The following OGT variants were observed in gnomAD, a reference collection of about 807,000 sequenced individuals.
OGT encodes UDP-N-acetylglucosamine--peptide N-acetylglucosaminyltransferase 110 kDa subunit.
Under a neutral mutation model 75.8 loss-of-function variants are expected in OGT, and 3 were observed. That is an observed-to-expected ratio of 0.04 (90% CI 0.02 to 0.10). OGT has a LOEUF of 0.10. OGT is among the 10% of genes least tolerant of loss of function. The pLI, the probability that OGT is intolerant of heterozygous loss-of-function variation, is 1.00. For missense variants in OGT, 260 were observed against 824.4 expected (o/e 0.32, Z 8.38); for synonymous variants, 257 against 289.7 (o/e 0.89, Z 1.15).
rs374862900 is a variant in OGT, at chrX:71,533,288, G to A, written c.-12G>A. On this transcript the variant is annotated 5_prime_UTR_variant, in exon 1 of 22. Coordinates refer to ENST00000373719, the MANE Select transcript of OGT (RefSeq NM_181672.3). ...AATTACCTCTTTTTTGCTCTCCCTC[G>A]AGAAGCTCCAGATGGCGTCTTCCGT... is the stretch of plus-strand genomic sequence containing the variant. 31 of 1,195,831 alleles carry A rather than the reference G, an allele frequency of 2.6e-5. No individual in the cohort carries two copies. The highest frequency in any genetic ancestry group is 3.3e-5 in the Non-Finnish European group (29 of 887,958).
chrX:71,547,286 C>T, intron 4 of OGT: 2 of 748,381 alleles, frequency 2.7e-6, no homozygotes, highest in Non-Finnish European at 3.2e-6. Context: ...TGTTGAAGAG[C>T]AGCATTTCCC....
At chrX:71,536,528 CTCCT>C (rs768064264) in intron 2 of OGT, 170 bp downstream of exon 2, 12 of 369,391 alleles carry the variant, frequency 3.2e-5, no homozygotes, top group Non-Finnish European at 5.4e-5. Flanking sequence ...GCCAGTTTTT[CTCCT>C]TCCTTTTGTG....
intron 8 of OGT, chrX:71,556,430 G>A: frequency 2.8e-6 from 1 of 361,543 alleles, no homozygotes; most frequent in Non-Finnish European, 4.8e-6. Flanking sequence ...GTTTAGCAGA[G>A]AGAGATTTCA....
chrX:71,545,296 C>G (rs2040251649), intron 4 of OGT: 1 of 111,243 alleles, frequency 9.0e-6, no homozygotes, highest in Admixed American at 9.6e-5. Context: ...CACCCCAACC[C>G]CTTAAAAAAA....
At chrX:71,541,677 A>T (rs1434935039) in intron 3 of OGT, among the ~76,000 whole-genome samples, 2 of 111,333 alleles carry the variant, frequency 1.8e-5, no homozygotes, top group African/African-American at 6.5e-5. Context: ...GTAGTAGAGG[A>T]GAGTCAATTG....
Position 71,559,408 on chromosome X carries a change from A to G in OGT, c.1744A>G (p.Asn582Asp). ...HLMQSIPGMHNPDKFEVFCYA... is the reference protein window; with the variant it reads ...HLMQSIPGMHDPDKFEVFCYA... ...TATGCAGTCTATTCCAGGCATGCAC[A>G]ATCCTGATAAATTTGAGGTAAGACT... The change falls in exon 13 of 22, where the codon AAT becomes GAT. Residue 582 changes from asparagine to aspartate, a missense_variant. Physicochemically the swap from Asn to Asp is conservative, Grantham distance 23. Transcript: ENST00000373719. 8.3e-7 allele frequency: 1 copy of G among 1,206,216 alleles called. No homozygotes were observed. Among genetic ancestry groups the G allele is most frequent in the Non-Finnish European group, 1.1e-6 (1 of 893,130 alleles).
chrX:71,556,330 C>A, intron 8 of OGT: 1 of 394,605 alleles, frequency 2.5e-6, no homozygotes, highest in Non-Finnish European at 4.3e-6. Flanking sequence ...AAAAATTAAA[C>A]ATTAACCCAC....
chrX:71,567,959 C>T, intron 20 of OGT, 34 bp from the exon 21 acceptor site: 1 of 1,193,560 alleles, frequency 8.4e-7, no homozygotes, highest in Non-Finnish European at 1.1e-6. Context: ...GTTTTACGTT[C>T]TCAGATGTGC....
intron 4 of OGT, 99 bp from the exon 5 acceptor site, chrX:71,547,808 T>TA: frequency 9.4e-7 from 1 of 1,068,199 alleles, no homozygotes; most frequent in Non-Finnish European, 1.2e-6. Context: ...ATCACCTTCT[T>TA]CCCCCCCTCC....
chrX:71,554,749 A>ATG (rs1569427620), intron 6 of OGT, among the ~76,000 whole-genome samples, 157 bp downstream of exon 6: 1 of 112,074 alleles, frequency 8.9e-6, no homozygotes, highest in Non-Finnish European at 1.9e-5. Context: ...TTATTTATAG[A>ATG]TGTTGTTCGT....
chrX:71,563,086 A>G (rs1569429584), intron 16 of OGT, 44 bp from the exon 17 acceptor site: 6 of 1,197,332 alleles, frequency 5.0e-6, no homozygotes, highest in Middle Eastern at 2.3e-4. Flanking sequence ...GCTATTGTCT[A>G]TGTAAATCCT....
chrX:71,549,295 C>CAAAA (rs35779562), intron 5 of OGT, among the ~76,000 whole-genome samples: 4 of 21,834 alleles, frequency 1.8e-4, no homozygotes, highest in Admixed American at 8.3e-4. Flanking sequence ...GGCCCTGTCT[C>CAAAA]AAAAAAAAAA....
At position 71,567,859 on chromosome X, in the gene OGT, A is replaced by G. The variant is rs774532635; in HGVS notation, c.2842+107A>G. On this transcript the variant is annotated intron_variant, in intron 20 of 21. Transcript: ENST00000373719. ...TATGTACTAGGAGCAACATTAAAGG[A>G]AAGGTGATAGAAAGTGAGACTTGTT... 423 of 1,078,268 alleles carry G rather than the reference A, an allele frequency of 3.9e-4. 1 individual carries two copies. The highest frequency in any genetic ancestry group is 5.0e-4 in the Non-Finnish European group (402 of 802,705). 88.9% of individuals were successfully genotyped at this position (1,078,268 alleles called of 1,213,427 possible).
intron 5 of OGT, among the ~76,000 whole-genome samples, chrX:71,548,979 C>T (rs996501487): frequency 2.7e-5 from 3 of 110,787 alleles, no homozygotes; most frequent in Admixed American, 1.9e-4. Context: ...TTTACCTAAA[C>T]GTAGGCTAAT....
intron 5 of OGT, among the ~76,000 whole-genome samples, chrX:71,548,487 A>G (rs769999382): frequency 8.9e-6 from 1 of 111,837 alleles, no homozygotes; most frequent in East Asian, 2.8e-4. Context: ...GCGTATGTTC[A>G]TCACTTCACA....
At chrX:71,552,282 C>T (rs781735833) in intron 5 of OGT, among the ~76,000 whole-genome samples, 2 of 111,070 alleles carry the variant, frequency 1.8e-5, no homozygotes, top group Non-Finnish European at 3.8e-5. Flanking sequence ...AATAAACACA[C>T]AAACTTTTAA....
chrX:71,533,433 C>A, intron 1 of OGT, 97 bp downstream of exon 1: 1 of 784,535 alleles, frequency 1.3e-6, no homozygotes, highest in South Asian at 2.3e-5. Context: ...CTCGAACCAT[C>A]CCCATTACAT....
At chrX:71,565,167 T>A (rs1024884724) in intron 19 of OGT, among the ~76,000 whole-genome samples, 5 of 112,017 alleles carry the variant, frequency 4.5e-5, no homozygotes, top group Non-Finnish European at 7.5e-5. Context: ...CTCAAAAAAA[T>A]TTTTTTTAAA....
At chrX:71,570,957 CTT>C (rs1237109889) in intron 21 of OGT, among the ~76,000 whole-genome samples, 3 of 97,749 alleles carry the variant, frequency 3.1e-5, no homozygotes, top group Non-Finnish European at 4.2e-5. Context: ...CCATGCCTGG[CTT>C]TTTTTTTTTT....
Sources: gnomAD v4.1 joint callset for allele counts (sites outside exome capture counted in the v4.1 genomes callset) on GRCh38, gnomAD v4.1.1 for gene constraint, MANE v1.5 for transcripts, NCBI Gene and HGNC (gene_info 2026-07-23, HGNC 2026-07-21) for gene names.